LRP6: variants seen among roughly 807,000 people sequenced by gnomAD.
The protein encoded by LRP6 is LDL receptor related protein 6.
In LRP6, 43 loss-of-function variants were observed where a neutral mutation model predicts 184.1. The ratio of observed to expected loss-of-function variants is 0.23; its 90% CI spans 0.18 to 0.30. The LOEUF is 0.30. Ranked by LOEUF, LRP6 falls within the 10% of genes least tolerant of loss-of-function variation. The pLI is 1.00. For synonymous variants in LRP6, 719 were observed against 684.9 expected (o/e 1.05, Z -0.78); for missense variants, 1,571 against 2,005.3 (o/e 0.78, Z 4.14).
At chr12:12,195,490 T>C (rs551504719) in intron 3 of LRP6, among the ~76,000 whole-genome samples, 2 of 152,190 alleles carry the variant, frequency 1.3e-5, no homozygotes, top group Non-Finnish European at 2.9e-5. Context: ...GCCATTTATA[T>C]GCCTTCTTTT....
At chr12:12,264,746 A>T (rs1402958387) in intron 1 of LRP6, among the ~76,000 whole-genome samples, 1 of 151,970 alleles carries the variant, frequency 6.6e-6, no homozygotes, top group African/African-American at 2.4e-5. Flanking sequence ...TTACATCAAA[A>T]GACAGTTTTA....
intron 18 of LRP6, 106 bp downstream of exon 18, chr12:12,131,715 T>C (rs1306247732): frequency 9.3e-6 from 8 of 862,012 alleles, no homozygotes; most frequent in Non-Finnish European, 1.4e-5. Context: ...TACAGTCATA[T>C]GTACTTGAAA....
Position 12,150,858 on chromosome 12 carries a change from T to C in LRP6, c.2972A>G (p.Lys991Arg), listed in dbSNP as rs202168933. ...TACCTGGCTGCCATCTTCTTGTGCC[T>C]TTCGGATCATGTTTTGTCGTGAGTC... ...WIDSRQNMIR[K>R]AQEDGSQGFT... is the part of the protein sequence containing the mutation. The change falls in exon 13 of 23, where the codon AAG becomes AGG. Residue 991 changes from lysine (K) to arginine (R), a missense_variant. Around this residue, in one of 4 missense-constraint regions of LRP6, gnomAD observed 763 missense variants for 859.5 expected, o/e 0.89. Coordinates refer to ENST00000261349, the MANE Select transcript of LRP6 (RefSeq NM_002336.3). The C allele has an allele frequency of 1.7e-5, 28 of 1,613,918 alleles. No individual in the cohort carries two copies. In the East Asian group the frequency reaches 4.2e-4, roughly 24 times the overall value.
intron 3 of LRP6, 41 bp downstream of exon 3, chr12:12,203,162 C>G (rs1276490257): frequency 1.4e-6 from 2 of 1,436,144 alleles, no homozygotes; most frequent in South Asian, 2.6e-5. Flanking sequence ...AAGGCTTCAT[C>G]GAGTTTTCTT....
intron 2 of LRP6, among the ~76,000 whole-genome samples, chr12:12,223,706 T>A (rs1864546407): frequency 6.6e-6 from 1 of 152,228 alleles, no homozygotes; most frequent in Non-Finnish European, 1.5e-5. Context: ...TTTTCATTGT[T>A]TTAAGGTTAA....
chr12:12,261,931 A>G (rs1455182642), intron 1 of LRP6, among the ~76,000 whole-genome samples: 2 of 152,222 alleles, frequency 1.3e-5, no homozygotes, highest in Middle Eastern at 3.2e-3. Context: ...GAATTTTTAT[A>G]TAACAAGCCT....
At chr12:12,168,998 G>A (rs1466324551) in intron 7 of LRP6, among the ~76,000 whole-genome samples, 3 of 152,154 alleles carry the variant, frequency 2.0e-5, no homozygotes. Flanking sequence ...GGAGGCCAAG[G>A]CAGGAGGACC....
At chr12:12,243,911 C>A (rs1865123041) in intron 2 of LRP6, among the ~76,000 whole-genome samples, 1 of 152,144 alleles carries the variant, frequency 6.6e-6, no homozygotes, top group South Asian at 2.1e-4. Flanking sequence ...CCACTACGCC[C>A]AGCTAACAAA....
At chr12:12,229,410 C>G (rs922422645) in intron 2 of LRP6, among the ~76,000 whole-genome samples, 2 of 150,246 alleles carry the variant, frequency 1.3e-5, no homozygotes, top group African/African-American at 4.9e-5. Flanking sequence ...GAATATCTCA[C>G]ACTGAGACTT....
At chr12:12,132,565 T>C (rs1159420275) in intron 17 of LRP6, among the ~76,000 whole-genome samples, 2 of 152,126 alleles carry the variant, frequency 1.3e-5, no homozygotes, top group Non-Finnish European at 2.9e-5. Context: ...GCAAAAGAAA[T>C]AGTGAATAAA....
At chr12:12,229,066 T>C (rs889446945) in intron 2 of LRP6, among the ~76,000 whole-genome samples, 2 of 152,086 alleles carry the variant, frequency 1.3e-5, no homozygotes, top group African/African-American at 4.8e-5. Flanking sequence ...ACATTTTCTA[T>C]TATGAGGAAA....
chr12:12,259,081 G>A (rs1160222488), intron 1 of LRP6, among the ~76,000 whole-genome samples: 1 of 152,120 alleles, frequency 6.6e-6, no homozygotes, highest in East Asian at 1.9e-4. Context: ...GGCCAACATG[G>A]TGAAACCCCA....
rs1176082721 is a variant in LRP6 at position 12,138,339 on chromosome 12, T to G, written c.3593A>C (p.Asn1198Thr). 1 of 1,614,044 alleles carries G rather than the reference T, an allele frequency of 6.2e-7. No individual in the cohort carries two copies. The highest frequency in any genetic ancestry group is 8.5e-7 in the Non-Finnish European group (1 of 1,179,906). ...TTAACACTTACTGTATTCTTGAAGG[T>G]TCAGCTCCTTTACTGCATGAATGTC... ...LSDIHAVKELNLQEYRQHPCA... is the reference protein window; with the variant it reads ...LSDIHAVKELTLQEYRQHPCA... Residue 1198 changes from asparagine to threonine, a missense_variant, in exon 16 of 23, where the codon AAC becomes ACC. This residue lies in a region of LRP6 where 763 missense variants were observed against 859.5 expected (regional missense o/e 0.89). Transcript: ENST00000261349.
intron 10 of LRP6, among the ~76,000 whole-genome samples, chr12:12,160,498 A>C (rs1404659931): frequency 6.6e-6 from 1 of 151,884 alleles, no homozygotes; most frequent in Non-Finnish European, 1.5e-5. Context: ...AAGCTTGAAA[A>C]TGTATTTGGT....
chr12:12,167,125 G>A (rs1429306747), intron 7 of LRP6, among the ~76,000 whole-genome samples: 2 of 152,034 alleles, frequency 1.3e-5, no homozygotes, highest in African/African-American at 4.8e-5. Context: ...AAATAGGTAA[G>A]AATGAAATTA....
chr12:12,126,630 T>C, intron 20 of LRP6, 61 bp downstream of exon 20: 3 of 1,290,730 alleles, frequency 2.3e-6, no homozygotes, highest in South Asian at 1.2e-5. Flanking sequence ...TTTTCCACAA[T>C]GGAAACTGGC....
chr12:12,141,533 A>G (rs921862929), intron 15 of LRP6, among the ~76,000 whole-genome samples: 6 of 152,224 alleles, frequency 3.9e-5, no homozygotes, highest in Non-Finnish European at 8.8e-5. Flanking sequence ...AGAAGCTGCT[A>G]GAAAATGGTC....
intron 1 of LRP6, among the ~76,000 whole-genome samples, chr12:12,256,231 T>C (rs1056700624): frequency 1.3e-5 from 2 of 152,118 alleles, no homozygotes; most frequent in African/African-American, 4.8e-5. Context: ...TGGTAAACTA[T>C]TTAGTGCTTC....
chr12:12,208,407 T>C (rs1864121414), intron 2 of LRP6, among the ~76,000 whole-genome samples: 2 of 152,198 alleles, frequency 1.3e-5, no homozygotes, highest in Admixed American at 1.3e-4. Flanking sequence ...TCTAACTCAG[T>C]AAAGTTGCTT....
Sources: gnomAD v4.1 joint callset for allele counts (sites outside exome capture counted in the v4.1 genomes callset) on GRCh38, gnomAD v4.1.1 for gene constraint, gnomAD v4.1.1 regional missense constraint, MANE v1.5 for transcripts, NCBI Gene and HGNC (gene_info 2026-07-23, HGNC 2026-07-21) for gene names.